The following CFAP44 variants were observed in gnomAD, a reference collection of about 807,000 sequenced individuals.
CFAP44 encodes cilia and flagella associated protein 44.
CFAP44 carries 134 observed loss-of-function variants against 216.2 expected under a neutral mutation model. That is an observed-to-expected ratio of 0.62 (90% CI 0.54 to 0.72). The LOEUF is 0.72. Ranked by LOEUF, CFAP44 falls within the 30% of genes least tolerant of loss-of-function variation. CFAP44 has a pLI of 0.00. For synonymous variants in CFAP44, 700 were observed against 727.6 expected, an observed-to-expected ratio of 0.96 and a Z score of 0.61; for missense variants, 2,035 against 2,182.1, an observed-to-expected ratio of 0.93 and a Z score of 1.34.
intron 22 of CFAP44, among the ~76,000 whole-genome samples, chr3:113,352,055 G>A (rs542069141): frequency 8.1e-4 from 123 of 152,252 alleles, no homozygotes; most frequent in Middle Eastern, 3.4e-3. Context: ...GGGGTGTCCT[G>A]TTTAGAGGGG....
chr3:113,361,797 C>CT (rs1950544011), intron 21 of CFAP44, among the ~76,000 whole-genome samples: 1 of 151,886 alleles, frequency 6.6e-6, no homozygotes, highest in Admixed American at 6.6e-5. Flanking sequence ...CGCGCCCAGC[C>CT]TAAAGACCTG....
intron 18 of CFAP44, among the ~76,000 whole-genome samples, chr3:113,368,481 A>T (rs1300664983): frequency 9.2e-5 from 14 of 152,240 alleles, no homozygotes; most frequent in Non-Finnish European, 2.1e-4. Context: ...TTTCATATCC[A>T]GTCAAACTAA....
intron 18 of CFAP44, among the ~76,000 whole-genome samples, chr3:113,366,536 G>C (rs1428423424): frequency 6.6e-6 from 1 of 152,142 alleles, no homozygotes; most frequent in Admixed American, 6.6e-5. Context: ...ATTAGGGTAG[G>C]TTCTAATCCA....
rs1449476162 is a variant in CFAP44, at chr3:113,420,007, G to T, written c.570+10C>A. 1 of 1,603,844 alleles carries T rather than the reference G, an allele frequency of 6.2e-7. No individual in the cohort carries two copies. Among genetic ancestry groups the T allele is most frequent in the Non-Finnish European group, 8.5e-7 (1 of 1,176,440 alleles). ...TTTTGGGGTTTTTTTCTAATTTATT[G>T]AAGGCATACCCCAATGACGCCAATT... On this transcript the variant is annotated intron_variant, in intron 5 of 34. Coordinates refer to ENST00000393845, the MANE Select transcript of CFAP44 (RefSeq NM_001164496.2).
At chr3:113,413,911 T>A (rs2107381693) in intron 6 of CFAP44, among the ~76,000 whole-genome samples, 1 of 152,276 alleles carries the variant, frequency 6.6e-6, no homozygotes, top group South Asian at 2.1e-4. Context: ...CTAATGGTAG[T>A]TTGATGGGAA....
chr3:113,318,977 A>G (rs1383876346), intron 28 of CFAP44, among the ~76,000 whole-genome samples: 1 of 152,128 alleles, frequency 6.6e-6, no homozygotes, highest in Non-Finnish European at 1.5e-5. Context: ...CAAAAAAAAA[A>G]CAATACCCTT....
intron 28 of CFAP44, among the ~76,000 whole-genome samples, chr3:113,309,349 G>A (rs183033242): frequency 6.6e-6 from 1 of 152,132 alleles, no homozygotes; most frequent in African/African-American, 2.4e-5. Flanking sequence ...TCTGTCCACT[G>A]ACGCCCACTC....
chr3:113,293,889 C>T (rs944560041), intron 34 of CFAP44: 1 of 419,678 alleles, frequency 2.4e-6, no homozygotes, highest in African/African-American at 2.1e-5. Flanking sequence ...TTAATGCAGA[C>T]TGCTGGGCCC....
intron 26 of CFAP44, among the ~76,000 whole-genome samples, chr3:113,329,247 C>T (rs1950219783): frequency 6.6e-6 from 1 of 152,108 alleles, no homozygotes; most frequent in Non-Finnish European, 1.5e-5. Context: ...ACAAGGACAG[C>T]ATAAGTAATG....
At chr3:113,306,970 T>G (rs1326458033) in intron 29 of CFAP44, among the ~76,000 whole-genome samples, 1 of 152,206 alleles carries the variant, frequency 6.6e-6, no homozygotes, top group Non-Finnish European at 1.5e-5. Context: ...TAAAACAAGA[T>G]AAAAACTTTA....
At chr3:113,328,696 TAAAAAAAA>T (rs58650082) in intron 26 of CFAP44, among the ~76,000 whole-genome samples, 5 of 28,532 alleles carry the variant, frequency 1.8e-4, no homozygotes, top group African/African-American at 2.9e-4. Flanking sequence ...TTAGAGAGCT[TAAAAAAAA>T]AAAAAAAAAA....
chr3:113,361,857 T>G (rs1049235353), intron 21 of CFAP44, among the ~76,000 whole-genome samples: 1 of 83,852 alleles, frequency 1.2e-5, no homozygotes, highest in African/African-American at 4.5e-5. Flanking sequence ...CTGACCACAA[T>G]TTTTTTTTAC....
At chr3:113,373,359 A>G in intron 18 of CFAP44, 52 bp downstream of exon 18, 1 of 1,396,668 alleles carries the variant, frequency 7.2e-7, no homozygotes, top group South Asian at 2.0e-5. Flanking sequence ...GAACAAAAGC[A>G]TAGACACTAA....
At chr3:113,368,733 C>T (rs1213816027) in intron 18 of CFAP44, among the ~76,000 whole-genome samples, 2 of 152,190 alleles carry the variant, frequency 1.3e-5, no homozygotes, top group Non-Finnish European at 2.9e-5. Context: ...CAAATTCACA[C>T]ATAACAATAT....
chr3:113,294,577 CAAGATCAAGCAAGGTTTGTTT>C, intron 34 of CFAP44, 89 bp downstream of exon 34: 1 of 1,383,536 alleles, frequency 7.2e-7, no homozygotes, highest in Admixed American at 3.0e-5. Context: ...GGAAGTGGTC[CAAGATCAAGCAAGGTTTGTTT>C]AAATGCCAGT....
At chr3:113,394,549 T>A (rs187439123) in intron 15 of CFAP44, among the ~76,000 whole-genome samples, 1 of 152,340 alleles carries the variant, frequency 6.6e-6, no homozygotes, top group East Asian at 1.9e-4. Flanking sequence ...TAATACAAAA[T>A]AATAACTTAA....
At chr3:113,333,645 C>T in intron 24 of CFAP44, 62 bp from the exon 25 acceptor site, 1 of 1,395,188 alleles carries the variant, frequency 7.2e-7, no homozygotes, top group Non-Finnish European at 9.3e-7. Flanking sequence ...AATTTGTCTA[C>T]TTTAATATAG....
intron 32 of CFAP44, 33 bp from the exon 33 acceptor site, chr3:113,296,918 C>G: frequency 6.5e-7 from 1 of 1,536,622 alleles, no homozygotes; most frequent in Non-Finnish European, 8.7e-7. Flanking sequence ...TCAGGTTGTT[C>G]AATGGCTCCC....
Position 113,420,064 on chromosome 3 carries a change from G to A in CFAP44, c.523C>T (p.Gln175Ter). The A allele has an allele frequency of 6.2e-7, 1 of 1,613,796 alleles. No individual in the cohort carries two copies. The highest frequency in any genetic ancestry group is 8.5e-7 in the Non-Finnish European group (1 of 1,179,860). The change falls in exon 5 of 35, where the codon CAG (glutamine) becomes TAG (stop). Residue 175 changes from glutamine to a stop codon, truncating the protein, a stop_gained. Coordinates refer to ENST00000393845, the MANE Select transcript of CFAP44 (RefSeq NM_001164496.2). LOFTEE classifies it high-confidence loss of function. ...LIFLNLKTKE[Q>*]IYLRSSSGEG... ...CCACTGCTACTTCGCAGGTAGATCTGTTCCTTGGTTTTCAAATTCAGAAAG... is the reference window on the plus strand; with the variant it reads ...CCACTGCTACTTCGCAGGTAGATCTATTCCTTGGTTTTCAAATTCAGAAAG...
Sources: gnomAD v4.1 joint callset for allele counts (sites outside exome capture counted in the v4.1 genomes callset) on GRCh38, gnomAD v4.1.1 for gene constraint, MANE v1.5 for transcripts, NCBI Gene and HGNC (gene_info 2026-07-23, HGNC 2026-07-21) for gene names.